The following SGO2 variants were observed in gnomAD, a reference collection of about 807,000 sequenced individuals.
SGO2 encodes shugoshin 2.
SGO2 carries 68 observed loss-of-function variants against 99.5 expected under a neutral mutation model. The observed-to-expected ratio is 0.68, with a 90% CI of 0.56 to 0.84. The LOEUF is 0.84. Among genes scored for constraint, SGO2 ranks in the 40% least tolerant of loss-of-function variants. The pLI, the probability that SGO2 is intolerant of heterozygous loss-of-function variation, is 0.00. For missense variants in SGO2, 1,350 were observed against 1,436.7 expected (o/e 0.94, Z 0.97); for synonymous variants, 457 against 487.1 (o/e 0.94, Z 0.81).
intron 3 of SGO2, 123 bp downstream of exon 3, chr2:200,535,294 AC>A: frequency 1.2e-6 from 1 of 828,812 alleles, no homozygotes; most frequent in Non-Finnish European, 1.8e-6. Flanking sequence ...AAGTCAGTAT[AC>A]CATGTAAGTC....
rs751626975 is a variant in SGO2, at chr2:200,571,950, GA to G, written c.1605del (p.Arg535SerfsTer5). 6.2e-7 allele frequency: 1 copy of G among 1,611,228 alleles called. No homozygotes were observed. Among genetic ancestry groups the G allele is most frequent in the East Asian group, 2.2e-5 (1 of 44,852 alleles). On this transcript the variant is annotated frameshift_variant, in exon 7 of 9. Transcript: ENST00000357799. LOFTEE classifies it high-confidence loss of function. ...SLTCNKSKAS[R>X]QTFVIHKLEK... Reference sequence around the variant, plus strand: ...ACTTGTAATAAAAGTAAAGCTTCTAGACAGACATTTGTGATTCACAAATTAG... The same window carrying G: ...ACTTGTAATAAAAGTAAAGCTTCTAGCAGACATTTGTGATTCACAAATTAG...
At chr2:200,580,457 T>TTTGTG (rs1320489629) in intron 8 of SGO2, 7 of 435,382 alleles carry the variant, frequency 1.6e-5, no homozygotes, top group Middle Eastern at 4.2e-4. Context: ...TATTTCCTTC[T>TTTGTG]TTGTGTTTTC....
chr2:200,532,274 T>G lies in SGO2; in HGVS notation c.-2-700T>G, dbSNP rs949712115. On this transcript the variant is annotated intron_variant, in intron 1 of 8. Transcript: ENST00000357799. Reference sequence around the variant, plus strand: ...AGGTGCAGGTGACAGAGTTTTTTGTTTTTTTTTTTGTTTTTTTTTTTTTTT... The same window carrying G: ...AGGTGCAGGTGACAGAGTTTTTTGTGTTTTTTTTTGTTTTTTTTTTTTTTT... 100 of 254,342 alleles carry G rather than the reference T, an allele frequency of 3.9e-4. 1 individual carries two copies. The highest frequency in any genetic ancestry group is 3.9e-3 in the East Asian group (14 of 3,596). The allele number at this position is 254,342 out of a possible 1,614,324, so 15.8% of individuals were successfully genotyped here.
At chr2:200,568,328 GATA>G (rs2033269198) in intron 5 of SGO2, among the ~76,000 whole-genome samples, 1 of 152,028 alleles carries the variant, frequency 6.6e-6, no homozygotes, top group Non-Finnish European at 1.5e-5. Flanking sequence ...TCATATATTG[GATA>G]ATATTAGATT....
chr2:200,540,458 G>A (rs2031909961), intron 4 of SGO2, among the ~76,000 whole-genome samples: 1 of 152,220 alleles, frequency 6.6e-6, no homozygotes, highest in Non-Finnish European at 1.5e-5. Context: ...GGGCATAACT[G>A]ATGAGTGGGT....
chr2:200,544,752 ACTG>A (rs1280605299), intron 5 of SGO2, among the ~76,000 whole-genome samples: 6 of 150,378 alleles, frequency 4.0e-5, no homozygotes, highest in Non-Finnish European at 8.9e-5. Flanking sequence ...TTCAGGAGAA[ACTG>A]CTAAGTAGTT....
intron 5 of SGO2, among the ~76,000 whole-genome samples, chr2:200,560,561 T>C (rs1041334760): frequency 5.3e-5 from 8 of 152,136 alleles, no homozygotes; most frequent in Non-Finnish European, 8.8e-5. Context: ...GTTCTATTAA[T>C]ACAGTGACTT....
At chr2:200,530,229 G>C in intron 1 of SGO2, among the ~76,000 whole-genome samples, 1 of 152,162 alleles carries the variant, frequency 6.6e-6, no homozygotes, top group African/African-American at 2.4e-5. Flanking sequence ...ACTCAAGTGA[G>C]ACATGGTAGT....
chr2:200,541,694 G>A (rs1006337637), intron 4 of SGO2, among the ~76,000 whole-genome samples: 3 of 152,154 alleles, frequency 2.0e-5, no homozygotes, highest in Admixed American at 6.5e-5. Flanking sequence ...ATTGTTGGGC[G>A]GGGATGTGCT....
chr2:200,571,422 C>T lies in SGO2; in HGVS notation c.1076C>T (p.Thr359Ile). ...AATGATGACTTTCAATTGCAGAAAA[C>T]TGTGTATGATGCTGACATGGATTTA... The part of the protein sequence containing the change: ...EDNDDFQLQK[T>I]VYDADMDLTA... The change falls in exon 7 of 9, where the codon ACT becomes ATT. Residue 359 changes from threonine (T) to isoleucine (I), a missense_variant. Thr to Ile is a moderately conservative substitution (Grantham distance 89). Transcript: ENST00000357799. The T allele has an allele frequency of 1.2e-6, 2 of 1,609,810 alleles. No individual in the cohort carries two copies. The highest frequency in any genetic ancestry group is 1.7e-6 in the Non-Finnish European group (2 of 1,177,070).
At position 200,569,734 on chromosome 2, in the gene SGO2, C is replaced by A; in HGVS notation, c.545C>A (p.Ser182Ter). 3 of 1,612,732 alleles carry A rather than the reference C, an allele frequency of 1.9e-6. No individual in the cohort carries two copies. The highest frequency in any genetic ancestry group is 1.7e-6 in the Non-Finnish European group (2 of 1,179,206). Reference sequence around the variant, plus strand: ...ATGCAGTGTGACAACAATATTAAATCAAAGACATTACCTGATATTCCCTCT... The same window carrying A: ...ATGCAGTGTGACAACAATATTAAATAAAAGACATTACCTGATATTCCCTCT... ...EKMQCDNNIKSKTLPDIPSSG... is the reference protein window; with the variant it reads ...EKMQCDNNIK Residue 182 changes from serine (S) to a stop codon, truncating the protein, a stop_gained, in exon 6 of 9, where the codon TCA becomes TAA. Transcript: ENST00000357799. LOFTEE classifies it high-confidence loss of function.
chr2:200,533,559 C>G (rs2031535142), intron 2 of SGO2, among the ~76,000 whole-genome samples: 1 of 131,840 alleles, frequency 7.6e-6, no homozygotes, highest in Non-Finnish European at 1.7e-5. Flanking sequence ...ATACATGTGA[C>G]TTTATATAGG....
At chr2:200,554,600 A>C in intron 5 of SGO2, among the ~76,000 whole-genome samples, 1 of 152,206 alleles carries the variant, frequency 6.6e-6, no homozygotes, top group East Asian at 1.9e-4. Flanking sequence ...TATGACACAC[A>C]ACAATTTTAC....
intron 5 of SGO2, among the ~76,000 whole-genome samples, chr2:200,559,457 GCTTTT>G (rs1311951880): frequency 6.6e-6 from 1 of 151,510 alleles, no homozygotes; most frequent in African/African-American, 2.4e-5. Flanking sequence ...TTTCTGTTTT[GCTTTT>G]CTTTTCATTA....
At position 200,572,702 on chromosome 2, in the gene SGO2, T is replaced by C. The variant is rs774316674; in HGVS notation, c.2356T>C (p.Leu786=). Residue 786 remains leucine, a synonymous_variant, in exon 7 of 9, where the codon TTG becomes CTG. Transcript: ENST00000357799. ...NLYDSEIQNV[L]GVKHGHDMQP... ...GTATGATTCTGAGATTCAAAATGTT[T>C]TGGGGGTGAAACATGGCCATGATAT... is the stretch of plus-strand genomic sequence containing the variant. 17 of 1,612,696 alleles carry C rather than the reference T, an allele frequency of 1.1e-5. 1 individual carries two copies. In the South Asian group the frequency reaches 1.7e-4, roughly 16 times the overall value.
chr2:200,550,344 A>G (rs534016945), intron 5 of SGO2, among the ~76,000 whole-genome samples: 10 of 152,304 alleles, frequency 6.6e-5, no homozygotes, highest in South Asian at 6.2e-4. Flanking sequence ...AATAAGGGGG[A>G]AAAATCCTAA....
At chr2:200,541,527 G>A (rs2031955835) in intron 4 of SGO2, among the ~76,000 whole-genome samples, 1 of 152,154 alleles carries the variant, frequency 6.6e-6, no homozygotes, top group Admixed American at 6.5e-5. Context: ...GTGTGGCTCT[G>A]CATGGCCTGC....
At chr2:200,549,412 C>A (rs2032369609) in intron 5 of SGO2, among the ~76,000 whole-genome samples, 1 of 152,186 alleles carries the variant, frequency 6.6e-6, no homozygotes, top group Admixed American at 6.5e-5. Context: ...ACAAGGCCAG[C>A]ATTACCCTAA....
intron 5 of SGO2, among the ~76,000 whole-genome samples, chr2:200,567,999 G>A (rs2033256531): frequency 6.6e-6 from 1 of 152,100 alleles, no homozygotes; most frequent in Non-Finnish European, 1.5e-5. Flanking sequence ...TGGGTCATCT[G>A]GTAACTCCGT....
Sources: allele counts gnomAD v4.1 joint callset (sites outside exome capture counted in the v4.1 genomes callset), GRCh38; gene constraint gnomAD v4.1.1; transcripts MANE v1.5; gene names NCBI Gene and HGNC (gene_info 2026-07-23, HGNC 2026-07-21).